ZCWPW2: variants seen among roughly 807,000 people sequenced by gnomAD.
ZCWPW2 encodes the protein zinc finger CW-type PWWP domain protein 2.
A neutral mutation model predicts 46.6 loss-of-function variants in ZCWPW2; 45 were observed. The observed-to-expected ratio is 0.96, with a 90% CI of 0.76 to 1.24. The LOEUF (loss-of-function observed/expected upper bound fraction) is 1.24, where lower values mean the gene tolerates loss of function less well. Among genes scored for constraint, ZCWPW2 ranks in the 50% most tolerant of loss-of-function variants. ZCWPW2 has a pLI of 0.00. For synonymous variants in ZCWPW2, 152 were observed against 137.1 expected (o/e 1.11, Z -0.76); for missense variants, 429 against 403.9 (o/e 1.06, Z -0.53).
At chr3:28,476,115 ATAT>A (rs1359431578) in intron 4 of ZCWPW2, among the ~76,000 whole-genome samples, 2 of 150,870 alleles carry the variant, frequency 1.3e-5, no homozygotes, top group Non-Finnish European at 3.0e-5. Context: ...GAAATATATA[ATAT>A]TATATAAATT....
chr3:28,432,905 C>G (rs973120827), intron 3 of ZCWPW2, among the ~76,000 whole-genome samples: 3 of 152,130 alleles, frequency 2.0e-5, no homozygotes, highest in South Asian at 4.1e-4. Flanking sequence ...ATCATTCTAT[C>G]CCTGGTCTTG....
chr3:28,491,980 C>CTAGCA, intron 5 of ZCWPW2, 147 bp from the exon 6 acceptor site: 1 of 713,524 alleles, frequency 1.4e-6, no homozygotes, highest in South Asian at 1.9e-5. Flanking sequence ...GCTCAGTTTA[C>CTAGCA]TAGCATATTA....
At chr3:28,376,202 A>G (rs1705495873) in intron 1 of ZCWPW2, among the ~76,000 whole-genome samples, 1 of 151,994 alleles carries the variant, frequency 6.6e-6, no homozygotes, top group Non-Finnish European at 1.5e-5. Context: ...TGAATCTATT[A>G]TAGGTTTTGG....
At chr3:28,472,366 A>G (rs988730170) in intron 4 of ZCWPW2, among the ~76,000 whole-genome samples, 3 of 152,236 alleles carry the variant, frequency 2.0e-5, no homozygotes, top group South Asian at 2.1e-4. Context: ...TGGTATTGGC[A>G]TGAAAGCAGG....
rs577374721 is a variant in ZCWPW2 at position 28,417,683 on chromosome 3, C to T, written c.332+4283C>T. Reference sequence around the variant, plus strand: ...TTATCCACCATGATCAAGTGGGCTTCATCCCTGGGATGCAAGGCTGGTTCA... The same window carrying T: ...TTATCCACCATGATCAAGTGGGCTTTATCCCTGGGATGCAAGGCTGGTTCA... On this transcript the variant is annotated intron_variant, in intron 3 of 9. Coordinates refer to ENST00000383768, the MANE Select transcript of ZCWPW2 (RefSeq NM_001040432.4). Among the ~76,000 whole-genome samples, 473 of 124,362 alleles carry T rather than the reference C, an allele frequency of 3.8e-3. 5 individuals carry two copies. Among genetic ancestry groups the T allele is most frequent in the African/African-American group, 0.014 (451 of 31,622 alleles). The allele number at this position is 124,362 out of a possible 152,430, so 81.6% of individuals were successfully genotyped here. A position where few individuals can be genotyped will look rare whatever the true frequency, so the allele number is the denominator to read the frequency against.
chr3:28,422,767 ATG>A (rs746623681), intron 3 of ZCWPW2, among the ~76,000 whole-genome samples: 1,800 of 151,146 alleles, frequency 0.012, 40 homozygotes, highest in African/African-American at 0.041. Context: ...TGCTATGAGT[ATG>A]TGTGTGTGTG....
intron 1 of ZCWPW2, among the ~76,000 whole-genome samples, chr3:28,384,610 C>CTTTTTTTTTTTTT (rs201820223): frequency 7.0e-6 from 1 of 143,528 alleles, no homozygotes. Flanking sequence ...ACCAATCTTT[C>CTTTTTTTTTTTTT]TTTCTTTTTT....
intron 3 of ZCWPW2, among the ~76,000 whole-genome samples, chr3:28,429,609 A>G (rs1697161500): frequency 6.6e-6 from 1 of 152,196 alleles, no homozygotes. Flanking sequence ...TTAATCACCA[A>G]GACAATGGGG....
At chr3:28,408,387 C>G (rs1253546233) in intron 2 of ZCWPW2, among the ~76,000 whole-genome samples, 1 of 152,138 alleles carries the variant, frequency 6.6e-6, no homozygotes, top group South Asian at 2.1e-4. Context: ...TAATTACTTT[C>G]TTCTTTCTGT....
At chr3:28,464,210 T>C (rs1277317337) in intron 4 of ZCWPW2, among the ~76,000 whole-genome samples, 1 of 150,994 alleles carries the variant, frequency 6.6e-6, no homozygotes, top group Non-Finnish European at 1.5e-5. Context: ...ATAAAACTTC[T>C]CCCTGAGAAA....
At chr3:28,513,601 C>T (rs1250537329) in intron 6 of ZCWPW2, among the ~76,000 whole-genome samples, 1 of 152,066 alleles carries the variant, frequency 6.6e-6, no homozygotes, top group Admixed American at 6.6e-5. Context: ...TTATCTTTGC[C>T]TAGACATGAA....
At position 28,348,822 on chromosome 3, in the gene ZCWPW2, G is replaced by A. The variant is rs1704392368; in HGVS notation, c.-515G>A. 1 of 386,270 alleles carries A rather than the reference G, an allele frequency of 2.6e-6. No homozygotes were observed. 23.9% of individuals were successfully genotyped at this position (386,270 alleles called of 1,614,324 possible). A position where few individuals can be genotyped will look rare whatever the true frequency, so the allele number is the denominator to read the frequency against. ...GCAGGAGCCCGGGACGTTCTGGAAG[G>A]AGGGACGAGCCGAGGCAGGAGGGGC... On this transcript the variant is annotated 5_prime_UTR_variant, in exon 1 of 10. Transcript: ENST00000383768.
chr3:28,363,247 C>G (rs945452973), intron 1 of ZCWPW2, among the ~76,000 whole-genome samples: 7 of 151,996 alleles, frequency 4.6e-5, no homozygotes, highest in African/African-American at 1.4e-4. Flanking sequence ...AACAAAATAA[C>G]TGATATCCAG....
intron 8 of ZCWPW2, 89 bp from the exon 9 acceptor site, chr3:28,520,903 G>T: frequency 6.7e-7 from 1 of 1,487,768 alleles, no homozygotes; most frequent in African/African-American, 1.4e-5. Flanking sequence ...GCATTTAAAA[G>T]ATTTCTTCTT....
intron 4 of ZCWPW2, among the ~76,000 whole-genome samples, chr3:28,446,060 C>T (rs1351464897): frequency 3.3e-5 from 5 of 152,074 alleles, no homozygotes; most frequent in African/African-American, 4.8e-5. Flanking sequence ...GAGAAATGGA[C>T]AGTTCAACAA....
At chr3:28,420,823 C>CT (rs540575316) in intron 3 of ZCWPW2, among the ~76,000 whole-genome samples, 38 of 152,068 alleles carry the variant, frequency 2.5e-4, no homozygotes, top group African/African-American at 8.4e-4. Flanking sequence ...GGAGTAATAA[C>CT]TTTTTTTCAG....
At position 28,508,691 on chromosome 3, in the gene ZCWPW2, C is replaced by A. The variant is rs1261125757; in HGVS notation, c.658-5373C>A. 2.0e-5 allele frequency among the ~76,000 whole-genome samples: 3 copies of A among 152,028 alleles called. No individual in the cohort carries two copies. In the East Asian group the frequency reaches 5.8e-4, roughly 29 times the overall value. On this transcript the variant is annotated intron_variant, in intron 6 of 9. Transcript: ENST00000383768. The stretch of plus-strand genomic sequence containing the variant: ...TTACTGTTGTATACCATCACACCAG[C>A]TAATTTTTGTACTTTTAGTAGAGAC...
chr3:28,448,678 G>A (rs1223657994), intron 4 of ZCWPW2, among the ~76,000 whole-genome samples: 5 of 150,884 alleles, frequency 3.3e-5, no homozygotes, highest in Non-Finnish European at 4.4e-5. Flanking sequence ...CGAGCTACCC[G>A]AGTGGCTGAG....
At position 28,369,102 on chromosome 3, in the gene ZCWPW2, G is replaced by A. The variant is rs184451514; in HGVS notation, c.-134+19899G>A. Reference sequence around the variant, plus strand: ...TTTCTAACTTCTTTGTGATGGGTTCGAACTTCCTCCTTTAGCTCGGAGTAG... The same window carrying A: ...TTTCTAACTTCTTTGTGATGGGTTCAAACTTCCTCCTTTAGCTCGGAGTAG... On this transcript the variant is annotated intron_variant, in intron 1 of 9. Transcript: ENST00000383768. Among the ~76,000 whole-genome samples the A allele has an allele frequency of 2.3e-3, 347 of 152,134 alleles. 3 individuals carry two copies. The highest frequency in any genetic ancestry group is 3.0e-3 in the Non-Finnish European group (201 of 67,980).
Sources: gnomAD v4.1 joint callset for allele counts (sites outside exome capture counted in the v4.1 genomes callset) on GRCh38, gnomAD v4.1.1 for gene constraint, MANE v1.5 for transcripts, NCBI Gene and HGNC (gene_info 2026-07-23, HGNC 2026-07-21) for gene names.